ENTREP1: variants seen among roughly 807,000 people sequenced by gnomAD.
The protein encoded by ENTREP1 is endosomal transmembrane epsin interactor 1.
At chr9:69,378,756 C>CA in the ENTREP1 span, among the ~76,000 whole-genome samples, 13,077 of 139,156 alleles carry the variant, frequency 0.094, 639 homozygotes, top group African/African-American at 0.16. Flanking sequence ...GACTTTGTCT[C>CA]AAAAAAAAAA....
the ENTREP1 span, chr9:69,391,588 T>C: frequency 6.2e-7 from 1 of 1,612,938 alleles, no homozygotes; most frequent in Non-Finnish European, 8.5e-7. Flanking sequence ...CCCACCCCTC[T>C]CTTTTCCCAA....
the ENTREP1 span, chr9:69,325,681 C>G: frequency 2.5e-4 from 312 of 1,231,338 alleles, 2 homozygotes; most frequent in Middle Eastern, 1.9e-3. Context: ...TGAGCAGCTC[C>G]CCGCAGGTGA....
At chr9:69,348,448 G>C in the ENTREP1 span, among the ~76,000 whole-genome samples, 3,147 of 152,130 alleles carry the variant, frequency 0.021, 115 homozygotes, top group African/African-American at 0.072. Flanking sequence ...TTGAGATGTA[G>C]TTGACACACC....
chr9:69,324,950 T>TG, the ENTREP1 span: 1 of 984,974 alleles, frequency 1.0e-6, no homozygotes, highest in Non-Finnish European at 1.2e-6. Context: ...CTTAAATATT[T>TG]GGGGCAGGGC....
At chr9:69,367,397 C>A in the ENTREP1 span, among the ~76,000 whole-genome samples, 2 of 150,814 alleles carry the variant, frequency 1.3e-5, no homozygotes, top group East Asian at 1.9e-4. Flanking sequence ...TGAAAAATGT[C>A]ATTGATATTT....
At chr9:69,324,656 C>T in the ENTREP1 span, 1 of 985,300 alleles carries the variant, frequency 1.0e-6, no homozygotes, top group Non-Finnish European at 1.2e-6. Context: ...GCCCTGTGAG[C>T]GGTAACTGCG....
the ENTREP1 span, chr9:69,388,565 G>A: frequency 1.2e-6 from 1 of 813,920 alleles, no homozygotes; most frequent in Non-Finnish European, 1.9e-6. Context: ...CAGTCTTCAG[G>A]GAAATTGGGT....
chr9:69,388,114 A>C, the ENTREP1 span: 4 of 1,613,768 alleles, frequency 2.5e-6, no homozygotes, highest in South Asian at 4.4e-5. Context: ...ATATGTTCAA[A>C]AGGGGTTGGC....
the ENTREP1 span, chr9:69,371,606 T>C: frequency 1.9e-4 from 300 of 1,603,376 alleles, 1 homozygote; most frequent in African/African-American, 3.2e-3. Context: ...CCAGGTGTGA[T>C]CTGGTAAGCA....
At chr9:69,325,282 AC>A in the ENTREP1 span, 1 of 40,570 alleles carries the variant, frequency 2.5e-5, no homozygotes, top group Non-Finnish European at 2.7e-5. Context: ...AGCCGGCCGC[AC>A]CCGGCCGCAC....
At chr9:69,383,910 C>T in the ENTREP1 span, 1 of 1,590,602 alleles carries the variant, frequency 6.3e-7, no homozygotes, top group Non-Finnish European at 8.6e-7. Context: ...GTGAGTTAAA[C>T]ATCAACAAAA....
At chr9:69,356,117 AAAC>A in the ENTREP1 span, among the ~76,000 whole-genome samples, 1 of 152,226 alleles carries the variant, frequency 6.6e-6, no homozygotes, top group Non-Finnish European at 1.5e-5. Flanking sequence ...TATATCCATT[AAAC>A]AACAACGCCC....
the ENTREP1 span, among the ~76,000 whole-genome samples, chr9:69,357,836 A>G: frequency 6.6e-6 from 1 of 151,840 alleles, no homozygotes; most frequent in Non-Finnish European, 1.5e-5. Flanking sequence ...GTCTTTAATT[A>G]TTTTTTTTCC....
chr9:69,343,797 G>C, the ENTREP1 span, among the ~76,000 whole-genome samples: 1 of 152,142 alleles, frequency 6.6e-6, no homozygotes, highest in Non-Finnish European at 1.5e-5. Context: ...AGCAAAATCA[G>C]TTGGGTGTTG....
chr9:69,389,378 G>A, the ENTREP1 span, among the ~76,000 whole-genome samples: 1 of 152,072 alleles, frequency 6.6e-6, no homozygotes, highest in Non-Finnish European at 1.5e-5. Context: ...TGTCCCTTCC[G>A]TTCCCCCTTT....
chr9:69,384,453 T>C, the ENTREP1 span, among the ~76,000 whole-genome samples: 2 of 152,248 alleles, frequency 1.3e-5, no homozygotes, highest in African/African-American at 4.8e-5. Flanking sequence ...TTCTGATCTA[T>C]GATTTTCTTC....
chr9:69,360,535 GCTTCATTTTT>G, the ENTREP1 span, among the ~76,000 whole-genome samples: 5 of 151,994 alleles, frequency 3.3e-5, no homozygotes, highest in African/African-American at 1.2e-4. Flanking sequence ...TTCTTCATTT[GCTTCATTTTT>G]CTGTTATTAT....
the ENTREP1 span, chr9:69,384,006 C>T: frequency 6.2e-7 from 1 of 1,611,486 alleles, no homozygotes; most frequent in Non-Finnish European, 8.5e-7. Context: ...TGGATCTGGG[C>T]TGCACACAAG....
At chr9:69,340,648 T>TGC in the ENTREP1 span, among the ~76,000 whole-genome samples, 9 of 144,680 alleles carry the variant, frequency 6.2e-5, no homozygotes, top group Non-Finnish European at 3.0e-5. Context: ...TGCATGTGTG[T>TGC]GTGCATGTGT....
Sources: gnomAD v4.1 joint callset for allele counts (sites outside exome capture counted in the v4.1 genomes callset) on GRCh38, gnomAD v4.1.1 for gene constraint, MANE v1.5 for transcripts, NCBI Gene and HGNC (gene_info 2026-07-23, HGNC 2026-07-21) for gene names.